CDK18: variants seen among roughly 807,000 people sequenced by gnomAD.
The protein encoded by CDK18 is cyclin-dependent kinase 18.
CDK18 carries 52 observed loss-of-function variants against 62.0 expected under a neutral mutation model. The observed-to-expected ratio is 0.84, with a 90% CI of 0.67 to 1.06. CDK18 has a LOEUF of 1.06. Among genes scored for constraint, CDK18 ranks in the 50% least tolerant of loss-of-function variants. The probability of loss-of-function intolerance (pLI) is 0.00; values close to 1 mark genes in which losing one functional copy is unlikely to be tolerated. For missense variants in CDK18, 604 were observed against 619.9 expected, an observed-to-expected ratio of 0.97 and a Z score of 0.27; for synonymous variants, 237 against 247.0, an observed-to-expected ratio of 0.96 and a Z score of 0.38.
In CDK18 at chr1:205,528,936, G is replaced by A; in HGVS notation, c.975-63G>A. 9.2e-7 allele frequency: 1 copy of A among 1,090,864 alleles called. No homozygotes were observed. The highest frequency in any genetic ancestry group is 1.3e-6 in the Non-Finnish European group (1 of 750,390). 67.6% of individuals were successfully genotyped at this position (1,090,864 alleles called of 1,614,324 possible). A position where few individuals can be genotyped will look rare whatever the true frequency, so the allele number is the denominator to read the frequency against. On this transcript the variant is annotated intron_variant, in intron 10 of 15. Transcript: ENST00000429964. The surrounding 1 kb of genome is among the most constrained non-coding windows in gnomAD (Gnocchi z 4.2). ...GCAGGTCGTCATTGGTGCCCTGGTG[G>A]AGCAGCCCTAGGAAGGGCGGCCGCC...
chr1:205,529,244 C>T lies in CDK18; in HGVS notation c.1073-80C>T. 7.0e-6 allele frequency: 10 copies of T among 1,422,720 alleles called. No individual in the cohort carries two copies. In the South Asian group the frequency reaches 8.5e-5, roughly 12 times the overall value. 88.1% of individuals were successfully genotyped at this position (1,422,720 alleles called of 1,614,324 possible). ...TGGCCTCGGCCATCTTTGCTCCCAC[C>T]TCATACATTGCATCCCTTTCAAGTC... On this transcript the variant is annotated intron_variant, in intron 11 of 15. Transcript: ENST00000429964.
intron 1 of CDK18, among the ~76,000 whole-genome samples, chr1:205,509,924 A>T (rs541179444): frequency 7.9e-5 from 12 of 152,238 alleles, no homozygotes; most frequent in Admixed American, 1.3e-4. Context: ...TACTAAAAAT[A>T]CAAAAATTAG....
chr1:205,515,057 C>T lies in CDK18; in HGVS notation c.-21-8090C>T, dbSNP rs570951541. ...GGAATGCCAGGTACATTTGATAAAACCAGACCTTCTGGGGAGGGGTGAGAG... is the reference window on the plus strand; with the variant it reads ...GGAATGCCAGGTACATTTGATAAAATCAGACCTTCTGGGGAGGGGTGAGAG... On this transcript the variant is annotated intron_variant, in intron 1 of 15. Coordinates refer to ENST00000429964, the MANE Select transcript of CDK18 (RefSeq NM_212502.3). Among the ~76,000 whole-genome samples, 17 of 152,182 alleles carry T rather than the reference C, an allele frequency of 1.1e-4. 1 individual carries two copies. The highest frequency in any genetic ancestry group is 8.3e-4 in the South Asian group (4 of 4,816).
chr1:205,523,415 A>C (rs1558778084), intron 2 of CDK18, 68 bp from the exon 3 acceptor site: 3 of 1,520,648 alleles, frequency 2.0e-6, no homozygotes, highest in South Asian at 1.1e-5. Context: ...GCGCTGGGGG[A>C]GGGGGGCTAC....
At position 205,529,526 on chromosome 1, in the gene CDK18, A is replaced by C; in HGVS notation, c.1184A>C (p.Asp395Ala). Residue 395 changes from aspartate to alanine, a missense_variant, in exon 13 of 16, where the codon GAT becomes GCT. Coordinates refer to ENST00000429964, the MANE Select transcript of CDK18 (RefSeq NM_212502.3). ...TCCGCGCCTTCTCCTTGCAGGTTGGATACGGATGGCATCCACCTCCTGAGC... is the reference window on the plus strand; with the variant it reads ...TCCGCGCCTTCTCCTTGCAGGTTGGCTACGGATGGCATCCACCTCCTGAGC... ...QPLINHAPRL[D>A]TDGIHLLSSL... 1 of 1,611,746 alleles carries C rather than the reference A, an allele frequency of 6.2e-7. No homozygotes were observed.
intron 1 of CDK18, among the ~76,000 whole-genome samples, chr1:205,506,109 A>T (rs776991248): frequency 6.6e-6 from 1 of 152,192 alleles, no homozygotes; most frequent in African/African-American, 2.4e-5. Flanking sequence ...ACGTCCTCAG[A>T]GATCCCCTGC....
intron 1 of CDK18, among the ~76,000 whole-genome samples, chr1:205,519,177 T>C (rs1257770252): frequency 1.3e-5 from 2 of 152,140 alleles, no homozygotes; most frequent in African/African-American, 4.8e-5. Context: ...GAGGGGTAGA[T>C]AGCACTAAGG....
rs1667813568 is a variant in CDK18, at chr1:205,516,309, GCTGA to G, written c.-21-6837_-21-6834del. 6.6e-6 allele frequency among the ~76,000 whole-genome samples: 1 copy of G among 152,044 alleles called. No homozygotes were observed. Among genetic ancestry groups the G allele is most frequent in the South Asian group, 2.1e-4 (1 of 4,804 alleles). ...TGAAATTCACCCAAGGGCCAAAGTGGCTGAGTGACCGAGGCAGGGGCAGGGACTG... is the reference window on the plus strand; with the variant it reads ...TGAAATTCACCCAAGGGCCAAAGTGGGTGACCGAGGCAGGGGCAGGGACTG... On this transcript the variant is annotated intron_variant, in intron 1 of 15. Coordinates refer to ENST00000429964, the MANE Select transcript of CDK18 (RefSeq NM_212502.3). The surrounding 1 kb of genome is among the most constrained non-coding windows in gnomAD (Gnocchi z 4.8).
At chr1:205,506,267 A>G (rs1405848405) in intron 1 of CDK18, among the ~76,000 whole-genome samples, 2 of 152,138 alleles carry the variant, frequency 1.3e-5, no homozygotes, top group African/African-American at 2.4e-5. Context: ...CAAAGCTGCT[A>G]TCTCGGGTTA....
intron 1 of CDK18, among the ~76,000 whole-genome samples, chr1:205,508,913 C>T (rs1667436532): frequency 6.6e-6 from 1 of 152,004 alleles, no homozygotes; most frequent in African/African-American, 2.4e-5. Context: ...CTTTGGAAGG[C>T]CAAGGCGGGT....
At chr1:205,522,445 ACCT>A (rs199804407) in intron 1 of CDK18, 1,776 of 151,222 alleles carry the variant, frequency 0.012, 14 homozygotes, top group Non-Finnish European at 0.017. Flanking sequence ...ACTGCTCCTG[ACCT>A]CCTGTATTTC....
At chr1:205,505,087 A>T (rs1419486816) in intron 1 of CDK18, among the ~76,000 whole-genome samples, 1 of 151,400 alleles carries the variant, frequency 6.6e-6, no homozygotes, top group African/African-American at 2.4e-5. Flanking sequence ...GCAATCTCAG[A>T]CCCCGCGCCC....
chr1:205,518,667 G>A (rs1384084668), intron 1 of CDK18, among the ~76,000 whole-genome samples: 1 of 152,210 alleles, frequency 6.6e-6, no homozygotes, highest in Non-Finnish European at 1.5e-5. Context: ...CATCTTCACT[G>A]GGCAAGGGAT....
chr1:205,530,537 C>G, intron 14 of CDK18, 91 bp from the exon 15 acceptor site: 2 of 1,283,428 alleles, frequency 1.6e-6, no homozygotes, highest in Non-Finnish European at 2.2e-6. Context: ...TGAGACGCTG[C>G]CTCGAGGGCT....
At chr1:205,529,216 C>G in intron 11 of CDK18, 108 bp from the exon 12 acceptor site, 2 of 1,343,554 alleles carry the variant, frequency 1.5e-6, no homozygotes, top group Non-Finnish European at 2.1e-6. Flanking sequence ...CGGGGACCCC[C>G]TGTGGCCTCG....
Position 205,517,912 on chromosome 1 carries a change from C to G in CDK18, c.-21-5235C>G, listed in dbSNP as rs187088901. 2.0e-5 allele frequency among the ~76,000 whole-genome samples: 3 copies of G among 152,280 alleles called. No homozygotes were observed. The highest frequency in any genetic ancestry group is 7.2e-5 in the African/African-American group (3 of 41,550). On this transcript the variant is annotated intron_variant, in intron 1 of 15. Coordinates refer to ENST00000429964, the MANE Select transcript of CDK18 (RefSeq NM_212502.3). This position sits in a 1 kb window ranked among gnomAD's most constrained non-coding sequence, Gnocchi z 4.1. ...TGATCATGTCACTCATCCGTTCAAA[C>G]CCTCCTTACCCCTCGAGGCCCAACA...
intron 1 of CDK18, chr1:205,522,290 C>G (rs145304310): frequency 1.3e-5 from 2 of 152,048 alleles, no homozygotes; most frequent in Non-Finnish European, 2.9e-5. Flanking sequence ...CAGCTTACCC[C>G]GCTCCTCCAT....
Position 205,526,208 on chromosome 1 carries a change from C to T in CDK18, c.571+29C>T, listed in dbSNP as rs199539966. The T allele has an allele frequency of 3.1e-5, 50 of 1,590,082 alleles. No individual in the cohort carries two copies. The East Asian group carries it at 7.4e-4, about 24-fold the overall frequency. On this transcript the variant is annotated intron_variant, in intron 6 of 15. Coordinates refer to ENST00000429964, the MANE Select transcript of CDK18 (RefSeq NM_212502.3). ...CAGCATCCTAGGCTCCCACGCTCCCCTGGGGGCTTCAGGAGGAGGGGTTCA... is the reference window on the plus strand; with the variant it reads ...CAGCATCCTAGGCTCCCACGCTCCCTTGGGGGCTTCAGGAGGAGGGGTTCA...
chr1:205,523,640 A>G lies in CDK18; in HGVS notation c.273+15A>G, dbSNP rs774815207. 10 of 1,560,538 alleles carry G rather than the reference A, an allele frequency of 6.4e-6. No individual in the cohort carries two copies. Among genetic ancestry groups the G allele is most frequent in the African/African-American group, 1.4e-5 (1 of 73,624 alleles). ...TCTCCATGGAGGTAAGGGCCTCTGG[A>G]GCTCTGCCCCGGCAGGTGGCAGGAT... On this transcript the variant is annotated intron_variant, in intron 3 of 15. Transcript: ENST00000429964.
Sources: allele counts gnomAD v4.1 joint callset (sites outside exome capture counted in the v4.1 genomes callset), GRCh38; gene constraint gnomAD v4.1.1; non-coding constraint Gnocchi (gnomAD v3.1); transcripts MANE v1.5; gene names NCBI Gene and HGNC (gene_info 2026-07-23, HGNC 2026-07-21).